PTPRK: variants seen among roughly 807,000 people sequenced by gnomAD.
The protein encoded by PTPRK is protein tyrosine phosphatase receptor type K.
In PTPRK, 75 loss-of-function variants were observed where a neutral mutation model predicts 178.0. The ratio of observed to expected loss-of-function variants is 0.42; its 90% CI spans 0.35 to 0.51. The LOEUF is 0.51. Ranked by LOEUF, PTPRK falls within the 20% of genes least tolerant of loss-of-function variation. The pLI is 0.02. For synonymous variants in PTPRK, 637 were observed against 620.6 expected (o/e 1.03, Z -0.39); for missense variants, 1,441 against 1,797.8 (o/e 0.80, Z 3.59).
intron 1 of PTPRK, among the ~76,000 whole-genome samples, chr6:128,418,050 C>A (rs1393652972): frequency 6.6e-6 from 1 of 152,172 alleles, no homozygotes; most frequent in Admixed American, 6.5e-5. Context: ...CGCTAACATT[C>A]TATTAGACAC....
Position 128,402,725 on chromosome 6 carries a change from C to T in PTPRK, c.101-5037G>A, listed in dbSNP as rs568664963. On this transcript the variant is annotated intron_variant, in intron 1 of 29. Coordinates refer to ENST00000368226, the MANE Select transcript of PTPRK (RefSeq NM_002844.4). ...TTATACCTGCTCTAATGATAAGCAA[C>T]ACTTTTGTTTTCCAATTTAAGTACT... 1.6e-4 allele frequency among the ~76,000 whole-genome samples: 24 copies of T among 152,188 alleles called. 1 individual carries two copies. The highest frequency in any genetic ancestry group is 5.8e-4 in the African/African-American group (24 of 41,518).
At chr6:128,406,487 C>T (rs913467950) in intron 1 of PTPRK, among the ~76,000 whole-genome samples, 2 of 152,036 alleles carry the variant, frequency 1.3e-5, no homozygotes, top group African/African-American at 4.8e-5. Context: ...CTCATTACAA[C>T]CAGTATATTA....
chr6:128,505,936 T>G (rs1389306665), intron 1 of PTPRK, among the ~76,000 whole-genome samples: 2 of 152,140 alleles, frequency 1.3e-5, no homozygotes, highest in Non-Finnish European at 2.9e-5. Context: ...GTCTTGGGGT[T>G]CAAATAGATT....
chr6:128,082,351 A>T, intron 10 of PTPRK, 86 bp downstream of exon 10: 2 of 1,250,570 alleles, frequency 1.6e-6, no homozygotes, highest in Non-Finnish European at 1.2e-6. Context: ...GATGAACTAC[A>T]CTTGGTTTAT....
chr6:128,253,761 G>A (rs1039307860), intron 3 of PTPRK, among the ~76,000 whole-genome samples: 3 of 152,196 alleles, frequency 2.0e-5, no homozygotes, highest in Admixed American at 6.5e-5. Context: ...TTTAATTTAT[G>A]CTTATGAAAC....
chr6:128,412,744 C>A (rs957814503), intron 1 of PTPRK, among the ~76,000 whole-genome samples: 1 of 152,226 alleles, frequency 6.6e-6, no homozygotes, highest in Non-Finnish European at 1.5e-5. Flanking sequence ...AGACACTCCA[C>A]GTGGTAGAGT....
chr6:128,435,211 T>G (rs1449155988), intron 1 of PTPRK, among the ~76,000 whole-genome samples: 1 of 152,114 alleles, frequency 6.6e-6, no homozygotes, highest in Non-Finnish European at 1.5e-5. Context: ...CCCAGTGTGC[T>G]CTCTTTATAA....
At chr6:128,349,706 T>C (rs112326941) in intron 2 of PTPRK, among the ~76,000 whole-genome samples, 3 of 152,262 alleles carry the variant, frequency 2.0e-5, no homozygotes, top group East Asian at 1.9e-4. Context: ...AAAATTTTGA[T>C]GAAAAGAAGT....
At chr6:128,456,195 A>G (rs528005666) in intron 1 of PTPRK, among the ~76,000 whole-genome samples, 33 of 152,194 alleles carry the variant, frequency 2.2e-4, no homozygotes, top group African/African-American at 6.3e-4. Context: ...TTATGAGATC[A>G]TAACAAGATT....
At chr6:128,233,811 A>G (rs1812741888) in intron 5 of PTPRK, among the ~76,000 whole-genome samples, 1 of 152,106 alleles carries the variant, frequency 6.6e-6, no homozygotes, top group African/African-American at 2.4e-5. Context: ...CCTCATTTCA[A>G]TTCACCAAAA....
At chr6:128,387,032 C>A (rs1838842317) in intron 2 of PTPRK, among the ~76,000 whole-genome samples, 1 of 152,180 alleles carries the variant, frequency 6.6e-6, no homozygotes. Context: ...CGCACCACTG[C>A]ACTCCAGCCT....
At chr6:128,162,495 T>C (rs1484428116) in intron 7 of PTPRK, among the ~76,000 whole-genome samples, 1 of 151,642 alleles carries the variant, frequency 6.6e-6, no homozygotes, top group Non-Finnish European at 1.5e-5. Flanking sequence ...TTTTCATATA[T>C]ACAGAAAGAG....
At chr6:128,513,093 T>C (rs1306210854) in intron 1 of PTPRK, among the ~76,000 whole-genome samples, 1 of 152,196 alleles carries the variant, frequency 6.6e-6, no homozygotes, top group Non-Finnish European at 1.5e-5. Flanking sequence ...ATATTTTTTT[T>C]CAAAGTCATC....
intron 2 of PTPRK, among the ~76,000 whole-genome samples, chr6:128,362,907 G>A (rs1314026697): frequency 6.6e-6 from 1 of 152,116 alleles, no homozygotes; most frequent in Non-Finnish European, 1.5e-5. Flanking sequence ...ATGTGCCAAT[G>A]ACACAGTATA....
At chr6:128,479,194 AC>A (rs1460973981) in intron 1 of PTPRK, among the ~76,000 whole-genome samples, 1 of 152,124 alleles carries the variant, frequency 6.6e-6, no homozygotes, top group Non-Finnish European at 1.5e-5. Context: ...CTAGGGCTTT[AC>A]TTCCCCAGCA....
chr6:128,043,523 T>C (rs1777530591), intron 13 of PTPRK, among the ~76,000 whole-genome samples: 1 of 55,878 alleles, frequency 1.8e-5, no homozygotes, highest in Non-Finnish European at 4.8e-5. Context: ...TAAATTCACT[T>C]ATGACCAATA....
intron 7 of PTPRK, among the ~76,000 whole-genome samples, chr6:128,114,377 A>C (rs531788235): frequency 6.6e-6 from 1 of 151,946 alleles, no homozygotes; most frequent in South Asian, 2.1e-4. Flanking sequence ...CAGCACTTTC[A>C]GAGGCGGAGG....
chr6:128,228,793 A>C (rs748869593), intron 5 of PTPRK, among the ~76,000 whole-genome samples: 1 of 152,186 alleles, frequency 6.6e-6, no homozygotes, highest in Non-Finnish European at 1.5e-5. Context: ...ACTGTGATAC[A>C]TATTCTGGTA....
chr6:128,396,033 ATTGT>A (rs1244458417), intron 2 of PTPRK, among the ~76,000 whole-genome samples: 1 of 152,040 alleles, frequency 6.6e-6, no homozygotes, highest in East Asian at 1.9e-4. Context: ...CTTGTGATAA[ATTGT>A]TTATTGTTGA....
Sources: gnomAD v4.1 joint callset for allele counts (sites outside exome capture counted in the v4.1 genomes callset) on GRCh38, gnomAD v4.1.1 for gene constraint, MANE v1.5 for transcripts, NCBI Gene and HGNC (gene_info 2026-07-23, HGNC 2026-07-21) for gene names.